ANKRD36C: variants seen among roughly 807,000 people sequenced by gnomAD.
The protein encoded by ANKRD36C is ankyrin repeat domain 36C.
Under a neutral mutation model 276.4 loss-of-function variants are expected in ANKRD36C, and 61 were observed. The ratio of observed to expected loss-of-function variants is 0.22; its 90% CI spans 0.18 to 0.27. ANKRD36C has a LOEUF of 0.27. ANKRD36C is among the 10% of genes least tolerant of loss of function. The pLI, the probability that ANKRD36C is intolerant of heterozygous loss-of-function variation, is 1.00. For missense variants in ANKRD36C, 1,447 were observed against 2,032.3 expected, an observed-to-expected ratio of 0.71 and a Z score of 5.54; for synonymous variants, 483 against 680.1, an observed-to-expected ratio of 0.71 and a Z score of 4.51.
chr2:95,890,803 T>C (rs1446516064), intron 46 of ANKRD36C, among the ~76,000 whole-genome samples: 1 of 151,510 alleles, frequency 6.6e-6, no homozygotes, highest in East Asian at 1.9e-4. Context: ...ATTTTAGGAG[T>C]TAATTAGAAT....
intron 19 of ANKRD36C, 55 bp from the exon 20 acceptor site, chr2:95,941,254 C>T (rs1263784916): frequency 1.8e-5 from 25 of 1,401,396 alleles, no homozygotes; most frequent in East Asian, 1.4e-4. Context: ...ACTACTCAAT[C>T]GGTCAGTAAT....
rs1384832325 is a variant in ANKRD36C, at chr2:95,896,970, G to A, written c.2755+2175C>T. On this transcript the variant is annotated intron_variant, in intron 44 of 66. Transcript: ENST00000456556. The stretch of plus-strand genomic sequence containing the variant: ...CTCTCTTTCTCCTTCCACCCTTACT[G>A]AAAACAAGCTGGAGAATTAAAGCAA... Among the ~76,000 whole-genome samples the A allele has an allele frequency of 5.8e-4, 86 of 147,174 alleles. 3 individuals are homozygous for A. The South Asian group carries it at 0.017, about 29-fold the overall frequency.
intron 42 of ANKRD36C, 31 bp from the exon 45 acceptor site, chr2:95,910,599 A>C: frequency 6.2e-7 from 1 of 1,603,672 alleles, no homozygotes; most frequent in South Asian, 1.1e-5. Context: ...ATAATCACTC[A>C]TATGTAAATA....
chr2:95,970,573 C>T (rs553364552), intron 6 of ANKRD36C, among the ~76,000 whole-genome samples: 1 of 152,120 alleles, frequency 6.6e-6, no homozygotes, highest in Non-Finnish European at 1.5e-5. Flanking sequence ...AAAACAACAA[C>T]AACAACAACA....
chr2:95,922,346 A>G (rs142699738), intron 32 of ANKRD36C, among the ~76,000 whole-genome samples: 1 of 151,544 alleles, frequency 6.6e-6, no homozygotes, highest in African/African-American at 2.4e-5. Flanking sequence ...CAGCTTGGAT[A>G]TATGTTTCCT....
exon 64 of ANKRD36C, chr2:95,853,795 A>G (rs777112357): frequency 3.9e-5 from 62 of 1,607,308 alleles, no homozygotes; most frequent in Admixed American, 1.0e-4. Flanking sequence ...GCATCCAGCA[A>G]AGCTTTTGTT....
At chr2:95,890,940 A>T (rs886697437) in intron 46 of ANKRD36C, among the ~76,000 whole-genome samples, 1 of 151,464 alleles carries the variant, frequency 6.6e-6, no homozygotes, top group Non-Finnish European at 1.5e-5. Context: ...TTTATTCATA[A>T]TCAAGATTAC....
intron 44 of ANKRD36C, among the ~76,000 whole-genome samples, chr2:95,892,585 C>A (rs1558629781): frequency 1.3e-5 from 2 of 151,476 alleles, no homozygotes; most frequent in South Asian, 4.1e-4. Context: ...CATACCTATA[C>A]AAAGTAAAGC....
intron 59 of ANKRD36C, among the ~76,000 whole-genome samples, chr2:95,874,410 G>C (rs1303125038): frequency 6.6e-6 from 1 of 152,172 alleles, no homozygotes; most frequent in Non-Finnish European, 1.5e-5. Context: ...ACAACCCTGA[G>C]AAAAACAAGC....
At chr2:95,874,845 C>G (rs1675905903) in intron 59 of ANKRD36C, among the ~76,000 whole-genome samples, 1 of 152,180 alleles carries the variant, frequency 6.6e-6, no homozygotes, top group Non-Finnish European at 1.5e-5. Flanking sequence ...AAAAAACAAA[C>G]AACCCCATCA....
intron 38 of ANKRD36C, among the ~76,000 whole-genome samples, chr2:95,915,200 A>C (rs1677056488): frequency 6.6e-6 from 1 of 151,556 alleles, no homozygotes; most frequent in Non-Finnish European, 1.5e-5. Context: ...GTTTCATTAA[A>C]CAGCTATTTT....
At chr2:95,972,676 G>A (rs1415595380) in intron 6 of ANKRD36C, among the ~76,000 whole-genome samples, 2 of 152,130 alleles carry the variant, frequency 1.3e-5, no homozygotes, top group African/African-American at 4.8e-5. Flanking sequence ...CTCTGACTAC[G>A]ATCAGAAGGC....
At chr2:95,891,944 T>G in intron 44 of ANKRD36C, 84 bp from the exon 65 acceptor site, 1 of 1,539,894 alleles carries the variant, frequency 6.5e-7, no homozygotes, top group Non-Finnish European at 8.8e-7. Flanking sequence ...AGCATCAACC[T>G]CTGTCCTCCT....
chr2:95,853,636 T>C (rs1675341669), intron 64 of ANKRD36C, 73 bp downstream of exon 84: 2 of 1,474,894 alleles, frequency 1.4e-6, no homozygotes, highest in African/African-American at 2.8e-5. Context: ...CTAAAATTAG[T>C]ACCCCAAAAC....
chr2:95,871,219 T>G (rs934087244), intron 59 of ANKRD36C, among the ~76,000 whole-genome samples: 4 of 152,088 alleles, frequency 2.6e-5, no homozygotes, highest in Non-Finnish European at 5.9e-5. Context: ...AATTGTCAGA[T>G]TCACCAAAGT....
intron 58 of ANKRD36C, among the ~76,000 whole-genome samples, 176 bp downstream of exon 78, chr2:95,880,251 C>G (rs1231537868): frequency 3.3e-5 from 5 of 152,140 alleles, no homozygotes; most frequent in Non-Finnish European, 7.3e-5. Context: ...AATATATTTT[C>G]CTTATGCATG....
intron 42 of ANKRD36C, among the ~76,000 whole-genome samples, chr2:95,902,176 T>G (rs1479212982): frequency 1.3e-5 from 2 of 149,974 alleles, no homozygotes; most frequent in African/African-American, 2.4e-5. Context: ...TATCTCATTT[T>G]TATAACTAAA....
chr2:95,980,386 A>G (rs1468997318), intron 5 of ANKRD36C, among the ~76,000 whole-genome samples: 1 of 152,140 alleles, frequency 6.6e-6, no homozygotes, highest in East Asian at 1.9e-4. Context: ...AATAAAATGT[A>G]CAACATTGGA....
At chr2:95,969,185 C>G (rs1319889042) in intron 6 of ANKRD36C, among the ~76,000 whole-genome samples, 1 of 152,190 alleles carries the variant, frequency 6.6e-6, no homozygotes, top group Non-Finnish European at 1.5e-5. Context: ...TCCCAACCCT[C>G]TAATCACACC....
Sources: gnomAD v4.1 joint callset for allele counts (sites outside exome capture counted in the v4.1 genomes callset) on GRCh38, gnomAD v4.1.1 for gene constraint, MANE v1.5 for transcripts, NCBI Gene and HGNC (gene_info 2026-07-23, HGNC 2026-07-21) for gene names.